Variants in ZMYM1 observed in about 807,000 individuals in gnomAD.
ZMYM1 encodes zinc finger MYM-type containing 1.
Under a neutral mutation model 60.0 loss-of-function variants are expected in ZMYM1, and 39 were observed. The ratio of observed to expected loss-of-function variants is 0.65; its 90% confidence interval spans 0.50 to 0.85. The LOEUF is 0.85. Among genes scored for constraint, ZMYM1 ranks in the 40% least tolerant of loss-of-function variants. The pLI, the probability that ZMYM1 is intolerant of heterozygous loss-of-function variation, is 0.00. For missense variants in ZMYM1, 1,171 were observed against 1,309.5 expected (o/e 0.89, Z 1.63); for synonymous variants, 413 against 454.0 (o/e 0.91, Z 1.15).
chr1:35,083,556 A>G (rs1642501482), intron 1 of ZMYM1, among the ~76,000 whole-genome samples: 1 of 152,082 alleles, frequency 6.6e-6, no homozygotes, highest in Non-Finnish European at 1.5e-5. Context: ...GCTTGAATTC[A>G]TGTGGTTTGA....
At chr1:35,059,831 C>G (rs1641839396) in exon 1 of ZMYM1, 1 of 152,142 alleles carries the variant, frequency 6.6e-6, no homozygotes, top group Non-Finnish European at 1.5e-5. Context: ...GTTTTCAAGA[C>G]AGGAAGTTGA....
chr1:35,097,192 A>T, intron 3 of ZMYM1, 125 bp from the exon 4 acceptor site: 1 of 1,057,166 alleles, frequency 9.5e-7, no homozygotes, highest in Admixed American at 2.4e-5. Context: ...TACACTGCCT[A>T]GAGTGCAAAA....
At chr1:35,107,538 G>A (rs1324684990) in intron 6 of ZMYM1, among the ~76,000 whole-genome samples, 1 of 151,664 alleles carries the variant, frequency 6.6e-6, no homozygotes, top group Non-Finnish European at 1.5e-5. Context: ...AGACTGATTT[G>A]GGTAAACGAG....
chr1:35,111,445 A>C (rs1392454657), intron 7 of ZMYM1, among the ~76,000 whole-genome samples: 1 of 152,224 alleles, frequency 6.6e-6, no homozygotes, highest in East Asian at 1.9e-4. Context: ...TAGGAGATTC[A>C]ATCAGAATCT....
downstream of ZMYM1, among the ~76,000 whole-genome samples, chr1:35,116,993 G>A (rs1372871829): frequency 5.3e-5 from 8 of 150,554 alleles, no homozygotes; most frequent in South Asian, 2.1e-4. Context: ...ACAGGCGCCC[G>A]CCACTGTGCC....
Position 35,115,361 on chromosome 1 carries a change from A to C in ZMYM1, c.*102A>C. 7.5e-7 allele frequency: 1 copy of C among 1,326,388 alleles called. No homozygotes were observed. The highest frequency in any genetic ancestry group is 2.4e-5 in the East Asian group (1 of 41,004). The allele number at this position is 1,326,388 out of a possible 1,614,324, so 82.2% of individuals were successfully genotyped here. Reference sequence around the variant, plus strand: ...AAAAGACACAGAACGATAAACAGTGAAGTCTCCTTCCCTCCTTTAGAACTC... The same window carrying C: ...AAAAGACACAGAACGATAAACAGTGCAGTCTCCTTCCCTCCTTTAGAACTC... On this transcript the variant is annotated 3_prime_UTR_variant, in exon 10 of 10. Coordinates refer to ENST00000359858, the MANE Select transcript of ZMYM1 (RefSeq NM_024772.5).
intron 4 of ZMYM1, among the ~76,000 whole-genome samples, chr1:35,103,512 C>G (rs1249648166): frequency 1.3e-5 from 2 of 152,166 alleles, no homozygotes; most frequent in Admixed American, 6.5e-5. Flanking sequence ...GAATAATATT[C>G]CACTGTATGT....
At chr1:35,110,226 A>G (rs1644040521) in intron 6 of ZMYM1, 68 bp from the exon 7 acceptor site, 1 of 1,185,846 alleles carries the variant, frequency 8.4e-7, no homozygotes, top group African/African-American at 1.6e-5. Flanking sequence ...AGCAGTGGTA[A>G]TAGGTTCTTC....
In ZMYM1 at chr1:35,093,972, T is replaced by C; in HGVS notation, c.-16T>C. On this transcript the variant is annotated 5_prime_UTR_variant, in exon 2 of 10. Transcript: ENST00000359858. The stretch of plus-strand genomic sequence containing the variant: ...TTAGTTTGGAACTGGAGAATTCCTT[T>C]GCATCAGATACTAAAATGAAAGAAC... 6.3e-7 allele frequency: 1 copy of C among 1,579,190 alleles called. No homozygotes were observed. The highest frequency in any genetic ancestry group is 8.6e-7 in the Non-Finnish European group (1 of 1,161,768).
Position 35,115,726 on chromosome 1 carries a change from T to G in ZMYM1, c.*467T>G, listed in dbSNP as rs996263975. 2.6e-5 allele frequency: 4 copies of G among 151,062 alleles called. No homozygotes were observed. The highest frequency in any genetic ancestry group is 5.9e-5 in the Non-Finnish European group (4 of 68,220). The allele number at this position is 151,062 out of a possible 1,614,324, so 9.4% of individuals were successfully genotyped here. On this transcript the variant is annotated 3_prime_UTR_variant, in exon 10 of 10. Transcript: ENST00000359858. ...GTAAGCTGGAAATCTAAAGTTAGAA[T>G]TACTAGGTTAAGATATGTGCATTTT...
chr1:35,105,725 C>T (rs1478009192), intron 6 of ZMYM1, among the ~76,000 whole-genome samples: 2 of 152,090 alleles, frequency 1.3e-5, no homozygotes, highest in African/African-American at 4.8e-5. Context: ...CCCACCTCAG[C>T]GTCCCGAGTA....
intron 6 of ZMYM1, among the ~76,000 whole-genome samples, chr1:35,109,339 T>C (rs1216829589): frequency 2.0e-5 from 3 of 152,192 alleles, no homozygotes; most frequent in Non-Finnish European, 4.4e-5. Flanking sequence ...CTCTGACATA[T>C]TCTGAAATCC....
rs1643650406 is a variant in ZMYM1 at position 35,101,397 on chromosome 1, G to C, written c.420-2898G>C. On this transcript the variant is annotated intron_variant, in intron 4 of 9. Coordinates refer to ENST00000359858, the MANE Select transcript of ZMYM1 (RefSeq NM_024772.5). Reference sequence around the variant, plus strand: ...ATTACACATGTGAGCCACCGTGCCTGGCCAACATTCATTTTTCAATTTTTT... The same window carrying C: ...ATTACACATGTGAGCCACCGTGCCTCGCCAACATTCATTTTTCAATTTTTT... Among the ~76,000 whole-genome samples the C allele has an allele frequency of 2.0e-5, 3 of 149,878 alleles. No homozygotes were observed. In the Middle Eastern group the frequency reaches 0.01, roughly 513 times the overall value.
Position 35,115,419 on chromosome 1 carries a change from T to TC in ZMYM1, c.*160_*161insC. 1 of 813,264 alleles carries TC rather than the reference T, an allele frequency of 1.2e-6. No individual in the cohort carries two copies. The highest frequency in any genetic ancestry group is 1.8e-6 in the Non-Finnish European group (1 of 547,496). 50.4% of individuals were successfully genotyped at this position (813,264 alleles called of 1,614,324 possible). The stretch of plus-strand genomic sequence containing the variant: ...CTTCCCAAAAAGTGTTATCTTTTCC[T>TC]TAAATATCCCTCTAGAGGTATTTTT... On this transcript the variant is annotated 3_prime_UTR_variant, in exon 10 of 10. Transcript: ENST00000359858.
At chr1:35,101,194 C>T (rs752730420) in intron 4 of ZMYM1, among the ~76,000 whole-genome samples, 11 of 150,876 alleles carry the variant, frequency 7.3e-5, no homozygotes, top group Non-Finnish European at 1.2e-4. Flanking sequence ...CTGCAACCTC[C>T]GCCTCCCAGG....
At chr1:35,104,850 T>C (rs1643834343) in intron 6 of ZMYM1, 81 bp downstream of exon 6, 1 of 1,150,094 alleles carries the variant, frequency 8.7e-7, no homozygotes, top group East Asian at 2.5e-5. Flanking sequence ...AAGTAGTTTT[T>C]GGTACCCTTT....
At chr1:35,088,610 A>G (rs2148503147) in intron 1 of ZMYM1, among the ~76,000 whole-genome samples, 1 of 150,810 alleles carries the variant, frequency 6.6e-6, no homozygotes, top group East Asian at 1.9e-4. Flanking sequence ...CTTTCATACT[A>G]TGATTTAGCC....
chr1:35,064,845 A>G (rs942139545), intron 1 of ZMYM1, among the ~76,000 whole-genome samples: 2 of 151,048 alleles, frequency 1.3e-5, no homozygotes, highest in Non-Finnish European at 2.9e-5. Context: ...CCGCCACCAC[A>G]CCCGGCTAAT....
At chr1:35,064,306 AAAAAAAAC>A (rs1490506712) in intron 1 of ZMYM1, among the ~76,000 whole-genome samples, 4,912 of 121,650 alleles carry the variant, frequency 0.04, 304 homozygotes, top group African/African-American at 0.19. Flanking sequence ...AAAAAAAAAA[AAAAAAAAC>A]AAAAAACACT....
Sources: gnomAD v4.1 joint callset for allele counts (sites outside exome capture counted in the v4.1 genomes callset) on GRCh38, gnomAD v4.1.1 for gene constraint, MANE v1.5 for transcripts, NCBI Gene and HGNC (gene_info 2026-07-23, HGNC 2026-07-21) for gene names.